ADGRE1: variants seen among roughly 807,000 people sequenced by gnomAD.
ADGRE1 encodes the protein EGF-like module receptor 1.
In ADGRE1, 82 loss-of-function variants were observed where a neutral mutation model predicts 102.7. That is an observed-to-expected ratio of 0.80 (90% CI 0.67 to 0.96). The LOEUF is 0.96. ADGRE1 is among the 40% of genes least tolerant of loss of function. The probability of loss-of-function intolerance (pLI) is 0.00; values close to 1 mark genes in which losing one functional copy is unlikely to be tolerated. For missense variants in ADGRE1, 1,032 were observed against 1,085.3 expected (o/e 0.95, Z 0.69); for synonymous variants, 398 against 399.6 (o/e 1.00, Z 0.05).
intron 13 of ADGRE1, among the ~76,000 whole-genome samples, 161 bp downstream of exon 13, chr19:6,919,908 A>G (rs1380391142): frequency 3.9e-5 from 6 of 152,142 alleles, no homozygotes; most frequent in Non-Finnish European, 1.5e-5. Flanking sequence ...CGCTAGAGGA[A>G]TGAGGTCTCC....
rs10405602 is a variant in ADGRE1, at chr19:6,931,002, A to G, written c.2289+2791A>G. Among the ~76,000 whole-genome samples, 1,446 of 152,180 alleles carry G rather than the reference A, an allele frequency of 9.5e-3. 22 individuals carry two copies. Among genetic ancestry groups the G allele is most frequent in the African/African-American group, 0.033 (1,369 of 41,514 alleles). On this transcript the variant is annotated intron_variant, in intron 17 of 20. Coordinates refer to ENST00000312053, the MANE Select transcript of ADGRE1 (RefSeq NM_001974.5). Reference sequence around the variant, plus strand: ...TAACTATAGTCACCCTGTTTTGCTAACAAATACTAGATCTTATTCATTCTT... The same window carrying G: ...TAACTATAGTCACCCTGTTTTGCTAGCAAATACTAGATCTTATTCATTCTT...
intron 1 of ADGRE1, 104 bp downstream of exon 1, chr19:6,887,743 C>A: frequency 8.0e-7 from 1 of 1,245,186 alleles, no homozygotes; most frequent in Non-Finnish European, 1.1e-6. Flanking sequence ...ATCATAAGTC[C>A]AGACTGGATG....
Position 6,896,463 on chromosome 19 carries a change from T to C in ADGRE1, c.160T>C (p.Tyr54His). 1 of 1,614,168 alleles carries C rather than the reference T, an allele frequency of 6.2e-7. No individual in the cohort carries two copies. The highest frequency in any genetic ancestry group is 8.5e-7 in the Non-Finnish European group (1 of 1,179,988). Reference sequence around the variant, plus strand: ...CACCTGCACCAATACAGTGGACAGTTACTATTGCGCTTGCAAACAAGGCTT... The same window carrying C: ...CACCTGCACCAATACAGTGGACAGTCACTATTGCGCTTGCAAACAAGGCTT... ...YATCTNTVDS[Y>H]YCACKQGFLS... Residue 54 changes from tyrosine to histidine, a missense_variant, in exon 3 of 21, where the codon TAC becomes CAC. Transcript: ENST00000312053.
At chr19:6,908,174 T>C (rs1456221685) in intron 9 of ADGRE1, among the ~76,000 whole-genome samples, 3 of 152,278 alleles carry the variant, frequency 2.0e-5, no homozygotes, top group Non-Finnish European at 4.4e-5. Context: ...GACATGCTCC[T>C]GCTGCAGATA....
rs547565338 is a variant in ADGRE1, at chr19:6,935,129, C to T, written c.2381+51C>T. 2.7e-6 allele frequency: 4 copies of T among 1,463,892 alleles called. No individual in the cohort carries two copies. In the South Asian group the frequency reaches 5.2e-5, roughly 19 times the overall value. The allele number at this position is 1,463,892 out of a possible 1,614,324, so 90.7% of individuals were successfully genotyped here. A position where few individuals can be genotyped will look rare whatever the true frequency, so the allele number is the denominator to read the frequency against. Reference sequence around the variant, plus strand: ...CTCTTTTAATTTCCTCTTTCTTCTTCCCAGAAAAGTTCTTTGAGCACTTCT... The same window carrying T: ...CTCTTTTAATTTCCTCTTTCTTCTTTCCAGAAAAGTTCTTTGAGCACTTCT... On this transcript the variant is annotated intron_variant, in intron 18 of 20. Transcript: ENST00000312053.
chr19:6,923,212 C>T (rs1044401857), intron 14 of ADGRE1, among the ~76,000 whole-genome samples: 1 of 152,190 alleles, frequency 6.6e-6, no homozygotes, highest in African/African-American at 2.4e-5. Flanking sequence ...ACAAAACTGA[C>T]TTAGTTTCAA....
At chr19:6,913,241 C>T (rs534188924) in intron 10 of ADGRE1, among the ~76,000 whole-genome samples, 20 of 152,068 alleles carry the variant, frequency 1.3e-4, no homozygotes, top group Non-Finnish European at 2.4e-4. Flanking sequence ...TGCAGTGGTG[C>T]GATCTCAGCT....
At chr19:6,939,898 A>G (rs1975601197) in intron 20 of ADGRE1, 126 bp from the exon 21 acceptor site, 1 of 1,116,328 alleles carries the variant, frequency 9.0e-7, no homozygotes, top group Non-Finnish European at 1.3e-6. Context: ...TTAACATTTT[A>G]GTGTTTATCC....
chr19:6,921,800 C>T lies in ADGRE1; in HGVS notation c.1708C>T (p.Leu570=), dbSNP rs776551760. The change falls in exon 14 of 21, where the codon CTG becomes TTG. Residue 570 remains leucine (L), a synonymous_variant. Coordinates refer to ENST00000312053, the MANE Select transcript of ADGRE1 (RefSeq NM_001974.5). ...ATGGACATCCTTTGGCTGTGTGATC[C>T]TGGAAGCTTCTGAGACATATACCAT... The part of the protein sequence containing the change: ...GRWTSFGCVI[L]EASETYTICS... The T allele has an allele frequency of 1.2e-6, 2 of 1,614,066 alleles. No homozygotes were observed. The highest frequency in any genetic ancestry group is 1.1e-5 in the South Asian group (1 of 91,090).
In ADGRE1 at chr19:6,919,551, C is replaced by T. The variant is rs777353663; in HGVS notation, c.1424C>T (p.Thr475Ile). 1 of 1,610,536 alleles carries T rather than the reference C, an allele frequency of 6.2e-7. No individual in the cohort carries two copies. The highest frequency in any genetic ancestry group is 1.3e-5 in the African/African-American group (1 of 74,428). The change falls in exon 13 of 21, where the codon ACC (threonine) becomes ATC (isoleucine). Residue 475 changes from threonine (T) to isoleucine (I), a missense_variant. Transcript: ENST00000312053. ...TTTCATTTGGGGAAACCTGCAGAGA[C>T]CACTGGTGTGGCTTTTGTCTCCTTT... ...STIEESESTE[T>I]TGVAFVSFVG...
Position 6,937,398 on chromosome 19 carries a change from T to C in ADGRE1, c.2537T>C (p.Leu846Pro). ...QGAFIFLIHC[L>P]LNGQVREEYK... is the part of the protein sequence containing the mutation. ...GCCTTCATCTTCCTCATCCACTGTC[T>C]GCTCAACGGCCAGGTGTGTAGCTGC... Residue 846 changes from leucine to proline, a missense_variant, in exon 19 of 21, where the codon CTG becomes CCG. Leu to Pro is a moderately conservative substitution (Grantham distance 98). Transcript: ENST00000312053. The C allele has an allele frequency of 1.9e-6, 3 of 1,613,638 alleles. No individual in the cohort carries two copies. The South Asian group carries it at 3.3e-5, about 18-fold the overall frequency.
chr19:6,937,802 T>C lies in ADGRE1; in HGVS notation c.2655+154T>C, dbSNP rs145154641. 2.3e-3 allele frequency among the ~76,000 whole-genome samples: 345 copies of C among 152,148 alleles called. 3 individuals are homozygous for C. Among genetic ancestry groups the C allele is most frequent in the African/African-American group, 7.7e-3 (320 of 41,510 alleles). On this transcript the variant is annotated intron_variant, in intron 20 of 20. Coordinates refer to ENST00000312053, the MANE Select transcript of ADGRE1 (RefSeq NM_001974.5). Reference sequence around the variant, plus strand: ...GAAGTGTGGAGTTGAAGACTGGGGATTTATATGTATATATTAGCAGACACA... The same window carrying C: ...GAAGTGTGGAGTTGAAGACTGGGGACTTATATGTATATATTAGCAGACACA...
intron 2 of ADGRE1, among the ~76,000 whole-genome samples, chr19:6,891,469 TTTGAGATAGATTCTCGCTCTG>T (rs1044132759): frequency 6.6e-6 from 1 of 151,918 alleles, no homozygotes; most frequent in African/African-American, 2.4e-5. Context: ...TTTTTTTTTT[TTTGAGATAGATTCTCGCTCTG>T]TTGCCCAGGC....
At chr19:6,917,100 G>A (rs1974417907) in intron 12 of ADGRE1, among the ~76,000 whole-genome samples, 1 of 152,090 alleles carries the variant, frequency 6.6e-6, no homozygotes, top group African/African-American at 2.4e-5. Flanking sequence ...TAGTGCAAAA[G>A]CATCCATAGA....
chr19:6,904,983 G>A lies in ADGRE1; in HGVS notation c.949+801G>A, dbSNP rs112875703. Among the ~76,000 whole-genome samples the A allele has an allele frequency of 1.4e-3, 213 of 152,226 alleles. 2 individuals are homozygous for A. Among genetic ancestry groups the A allele is most frequent in the African/African-American group, 4.8e-3 (198 of 41,546 alleles). On this transcript the variant is annotated intron_variant, in intron 8 of 20. Transcript: ENST00000312053. ...GGCTCACACCAAATGAGGACAAGGG[G>A]AAGTGGCAGTAGACATATCTGATGA...
intron 10 of ADGRE1, among the ~76,000 whole-genome samples, chr19:6,909,376 TC>T: frequency 6.6e-6 from 1 of 152,112 alleles, no homozygotes; most frequent in East Asian, 1.9e-4. Flanking sequence ...AGTCAGATAC[TC>T]CCTCCACCAC....
intron 12 of ADGRE1, 59 bp downstream of exon 12, chr19:6,916,427 G>A (rs574079461): frequency 1.9e-5 from 30 of 1,555,058 alleles, no homozygotes; most frequent in Non-Finnish European, 2.2e-5. Flanking sequence ...AGTATTTATC[G>A]ATCCCTTTCT....
At chr19:6,914,659 T>C (rs1384755496) in intron 11 of ADGRE1, among the ~76,000 whole-genome samples, 2 of 152,200 alleles carry the variant, frequency 1.3e-5, no homozygotes, top group South Asian at 4.1e-4. Flanking sequence ...ATTAGCCTCA[T>C]GAATCTCATA....
In ADGRE1 at chr19:6,896,434, A is replaced by T; in HGVS notation, c.131A>T (p.Tyr44Phe). 6.2e-7 allele frequency: 1 copy of T among 1,614,136 alleles called. No individual in the cohort carries two copies. Among genetic ancestry groups the T allele is most frequent in the African/African-American group, 1.3e-5 (1 of 75,038 alleles). Residue 44 changes from tyrosine to phenylalanine, a missense_variant, in exon 3 of 21, where the codon TAT becomes TTT. Tyr to Phe is a conservative substitution (Grantham distance 22). Transcript: ENST00000312053. Reference protein sequence around the residue: ...NCRDSTLCPAYATCTNTVDSY... With the variant: ...NCRDSTLCPAFATCTNTVDSY... ...AGAGACAGTACCTTGTGCCCAGCTTATGCCACCTGCACCAATACAGTGGAC... is the reference window on the plus strand; with the variant it reads ...AGAGACAGTACCTTGTGCCCAGCTTTTGCCACCTGCACCAATACAGTGGAC...
Sources: allele counts gnomAD v4.1 joint callset (sites outside exome capture counted in the v4.1 genomes callset), GRCh38; gene constraint gnomAD v4.1.1; transcripts MANE v1.5; gene names NCBI Gene and HGNC (gene_info 2026-07-23, HGNC 2026-07-21).